Variants in FBXL13 observed in about 807,000 individuals in gnomAD.
FBXL13 encodes F-box and leucine rich repeat protein 13.
In FBXL13, 67 loss-of-function variants were observed where a neutral mutation model predicts 83.6. The ratio of observed to expected loss-of-function variants is 0.80; its 90% CI spans 0.66 to 0.98. The LOEUF is 0.98. FBXL13 is among the 50% of genes least tolerant of loss of function. FBXL13 has a pLI of 0.00. For missense variants in FBXL13, 822 were observed against 866.5 expected, an observed-to-expected ratio of 0.95 and a Z score of 0.64; for synonymous variants, 272 against 299.5, an observed-to-expected ratio of 0.91 and a Z score of 0.95.
Position 102,879,040 on chromosome 7 carries a change from T to C in FBXL13, c.1389-590A>G, listed in dbSNP as rs187812089. Among the ~76,000 whole-genome samples, 393 of 152,310 alleles carry C rather than the reference T, an allele frequency of 2.6e-3. 2 individuals carry two copies. Among genetic ancestry groups the C allele is most frequent in the Non-Finnish European group, 3.1e-3 (209 of 68,022 alleles). On this transcript the variant is annotated intron_variant, in intron 14 of 19. Transcript: ENST00000313221. ...ATAACCCTACCATGTTGATCTTGCT[T>C]TATAAATGGCTGGATGTCTGTTTGG...
chr7:102,987,467 T>C (rs956971250), intron 6 of FBXL13, among the ~76,000 whole-genome samples: 3 of 151,776 alleles, frequency 2.0e-5, no homozygotes, highest in African/African-American at 7.3e-5. Flanking sequence ...AAAAAAAACA[T>C]ACCTCACAAA....
intron 1 of FBXL13, among the ~76,000 whole-genome samples, chr7:103,060,022 A>T (rs1330139410): frequency 2.4e-4 from 13 of 54,450 alleles, no homozygotes; most frequent in South Asian, 7.4e-4. Context: ...AAGATATTTT[A>T]TATATATATA....
chr7:103,027,947 C>G (rs1244862508), intron 4 of FBXL13, among the ~76,000 whole-genome samples: 2 of 152,256 alleles, frequency 1.3e-5, no homozygotes, highest in East Asian at 3.9e-4. Context: ...TTAACCAGTT[C>G]CTAACCCTTC....
At position 102,898,512 on chromosome 7, in the gene FBXL13, T is replaced by A. The variant is rs1275477938; in HGVS notation, c.1009-14200A>T. On this transcript the variant is annotated intron_variant, in intron 11 of 19. Coordinates refer to ENST00000313221, the Ensembl canonical transcript of FBXL13. Reference sequence around the variant, plus strand: ...CTCCCCTATGTTGCTCAGGCTGGTCTTGGACTCCTGGGTCTCAATCCTCCC... The same window carrying A: ...CTCCCCTATGTTGCTCAGGCTGGTCATGGACTCCTGGGTCTCAATCCTCCC... Among the ~76,000 whole-genome samples, 4 of 152,128 alleles carry A rather than the reference T, an allele frequency of 2.6e-5. No homozygotes were observed. The East Asian group carries it at 7.7e-4, about 29-fold the overall frequency.
At chr7:103,042,877 AC>A (rs1276593180) in intron 2 of FBXL13, among the ~76,000 whole-genome samples, 2 of 152,182 alleles carry the variant, frequency 1.3e-5, no homozygotes, top group Non-Finnish European at 2.9e-5. Context: ...CTAGAAGAAA[AC>A]CTAAGCAATA....
At chr7:102,839,614 A>C (rs1802582193) in intron 17 of FBXL13, among the ~76,000 whole-genome samples, 2 of 151,884 alleles carry the variant, frequency 1.3e-5, no homozygotes, top group Admixed American at 1.3e-4. Flanking sequence ...CGCCCAGCTA[A>C]TTTTTGTATT....
At chr7:102,901,821 T>C (rs977780012) in intron 11 of FBXL13, among the ~76,000 whole-genome samples, 8 of 152,202 alleles carry the variant, frequency 5.3e-5, no homozygotes, top group African/African-American at 1.9e-4. Context: ...CATTTTCTTT[T>C]TCCAGTCATC....
chr7:102,915,309 G>A (rs895593579), intron 10 of FBXL13, among the ~76,000 whole-genome samples: 4 of 151,576 alleles, frequency 2.6e-5, no homozygotes, highest in African/African-American at 9.7e-5. Flanking sequence ...AAATCGGCAG[G>A]GACATAGTAG....
chr7:102,853,608 T>C (rs1479286351), intron 17 of FBXL13, among the ~76,000 whole-genome samples: 2 of 152,136 alleles, frequency 1.3e-5, no homozygotes, highest in East Asian at 1.9e-4. Flanking sequence ...AGAAAATTTT[T>C]GCAACCTACT....
At chr7:102,829,835 G>GGCTCA (rs1451803836) in intron 18 of FBXL13, among the ~76,000 whole-genome samples, 2 of 152,044 alleles carry the variant, frequency 1.3e-5, no homozygotes, top group African/African-American at 4.8e-5. Flanking sequence ...TGTGTTTTAC[G>GGCTCA]GCTCATCAAA....
At chr7:102,923,315 G>T (rs147147234) in intron 10 of FBXL13, among the ~76,000 whole-genome samples, 162 of 152,200 alleles carry the variant, frequency 1.1e-3, no homozygotes, top group African/African-American at 3.9e-3. Context: ...GCCCCGATTT[G>T]TAGTGTTTGA....
intron 10 of FBXL13, among the ~76,000 whole-genome samples, chr7:102,915,293 CA>C (rs1183786395): frequency 6.6e-6 from 1 of 151,836 alleles, no homozygotes. Context: ...GTGATTTTAA[CA>C]ATCAAAATCG....
At chr7:103,044,921 A>G (rs1261407402) in intron 2 of FBXL13, among the ~76,000 whole-genome samples, 1 of 152,148 alleles carries the variant, frequency 6.6e-6, no homozygotes, top group African/African-American at 2.4e-5. Context: ...TCCTGTATTC[A>G]CTCGTCTTTA....
chr7:103,074,041 A>G (rs1799347929), intron 1 of FBXL13, among the ~76,000 whole-genome samples: 1 of 152,320 alleles, frequency 6.6e-6, no homozygotes, highest in Non-Finnish European at 1.5e-5. Flanking sequence ...CCTAATGTCT[A>G]TCCCCTTCCT....
chr7:102,944,583 C>A, intron 8 of FBXL13: 1 of 1,608,280 alleles, frequency 6.2e-7, no homozygotes, highest in Non-Finnish European at 8.5e-7. Flanking sequence ...AGAAGCAAAG[C>A]GTAATAATTA....
chr7:102,915,445 G>A lies in FBXL13; in HGVS notation c.879-2230C>T, dbSNP rs73408238. Among the ~76,000 whole-genome samples the A allele has an allele frequency of 6.3e-3, 962 of 151,792 alleles. 11 individuals carry two copies. The highest frequency in any genetic ancestry group is 0.021 in the African/African-American group (885 of 41,388). On this transcript the variant is annotated intron_variant, in intron 10 of 19. Transcript: ENST00000313221. Reference sequence around the variant, plus strand: ...AAATGGATACTTATCTCCAAGAGTGGTGCATACAATAATTCCAAGAGTTTG... The same window carrying A: ...AAATGGATACTTATCTCCAAGAGTGATGCATACAATAATTCCAAGAGTTTG...
At chr7:102,947,250 C>G (rs562013114) in intron 8 of FBXL13, among the ~76,000 whole-genome samples, 2 of 152,146 alleles carry the variant, frequency 1.3e-5, no homozygotes, top group South Asian at 2.1e-4. Flanking sequence ...AACAGAATCA[C>G]ACTGGAGGCA....
At chr7:103,031,578 T>C (rs2129489414) in intron 2 of FBXL13, among the ~76,000 whole-genome samples, 1 of 152,168 alleles carries the variant, frequency 6.6e-6, no homozygotes, top group Admixed American at 6.5e-5. Context: ...CACATAACAC[T>C]CACACCACTA....
intron 2 of FBXL13, among the ~76,000 whole-genome samples, chr7:103,037,630 CTCTG>C (rs1795200505): frequency 1.3e-5 from 2 of 151,794 alleles, no homozygotes; most frequent in Admixed American, 1.3e-4. Context: ...CACAGTGAGA[CTCTG>C]TCTGTACCAA....
Sources: gnomAD v4.1 joint callset for allele counts (sites outside exome capture counted in the v4.1 genomes callset) on GRCh38, gnomAD v4.1.1 for gene constraint, MANE v1.5 for transcripts, NCBI Gene and HGNC (gene_info 2026-07-23, HGNC 2026-07-21) for gene names.